The following KCNMA1 variants were observed in gnomAD, a reference collection of about 807,000 sequenced individuals.
KCNMA1 encodes the protein potassium calcium-activated channel subfamily M alpha 1, also known as Calcium-activated potassium channel subunit alpha-1.
A neutral mutation model predicts 140.0 loss-of-function variants in KCNMA1; 29 were observed. The observed-to-expected ratio is 0.21, with a 90% CI of 0.15 to 0.28. The LOEUF (loss-of-function observed/expected upper bound fraction) is 0.28, where lower values mean the gene tolerates loss of function less well. Ranked by LOEUF, KCNMA1 falls within the 10% of genes least tolerant of loss-of-function variation. The pLI is 1.00. For synonymous variants in KCNMA1, 612 were observed against 611.9 expected, an observed-to-expected ratio of 1.00 and a Z score of 0.00; for missense variants, 880 against 1,602.2, an observed-to-expected ratio of 0.55 and a Z score of 7.70.
chr10:77,565,709 T>C (rs1350731962), intron 1 of KCNMA1, among the ~76,000 whole-genome samples: 2 of 152,266 alleles, frequency 1.3e-5, no homozygotes, highest in Non-Finnish European at 2.9e-5. Flanking sequence ...GTTGATCTGG[T>C]GCAGTGCTTA....
chr10:77,137,752 G>A (rs1290838308), intron 5 of KCNMA1, among the ~76,000 whole-genome samples: 1 of 152,054 alleles, frequency 6.6e-6, no homozygotes, highest in African/African-American at 2.4e-5. Flanking sequence ...CTTTCCTTTG[G>A]TAATTGTTCA....
intron 2 of KCNMA1, among the ~76,000 whole-genome samples, chr10:77,284,952 T>A (rs1205970877): frequency 1.3e-5 from 2 of 152,244 alleles, no homozygotes; most frequent in African/African-American, 2.4e-5. Flanking sequence ...CACAATATTA[T>A]AATAGAGAAG....
At chr10:76,952,305 G>A in intron 21 of KCNMA1, 1 of 821,044 alleles carries the variant, frequency 1.2e-6, no homozygotes, top group South Asian at 2.0e-5. Flanking sequence ...CGGATCATGA[G>A]CTCAAGAAAT....
intron 15 of KCNMA1, among the ~76,000 whole-genome samples, chr10:77,030,168 C>A (rs1336986396): frequency 6.6e-6 from 1 of 152,178 alleles, no homozygotes; most frequent in Non-Finnish European, 1.5e-5. Context: ...TATCTGGGAT[C>A]TCCTGGTGAT....
At chr10:77,169,893 G>T (rs1262671762) in intron 5 of KCNMA1, among the ~76,000 whole-genome samples, 1 of 152,156 alleles carries the variant, frequency 6.6e-6, no homozygotes, top group Non-Finnish European at 1.5e-5. Context: ...GTGATATAGT[G>T]TGTCTTATGA....
chr10:77,060,463 A>G (rs1403885724), intron 14 of KCNMA1, among the ~76,000 whole-genome samples: 3 of 152,140 alleles, frequency 2.0e-5, no homozygotes, highest in African/African-American at 7.2e-5. Flanking sequence ...CTGTCCTGCC[A>G]TTGCATTTGG....
intron 1 of KCNMA1, among the ~76,000 whole-genome samples, chr10:77,557,383 A>T (rs945939314): frequency 6.6e-6 from 1 of 151,910 alleles, no homozygotes; most frequent in Non-Finnish European, 1.5e-5. Flanking sequence ...AAATACAAAC[A>T]CTCCACCAGC....
chr10:77,298,617 T>G (rs983301043), intron 2 of KCNMA1, among the ~76,000 whole-genome samples: 1 of 43,428 alleles, frequency 2.3e-5, no homozygotes, highest in Non-Finnish European at 4.9e-5. Context: ...GCACCCTAAC[T>G]GAAAAAAAAA....
At chr10:77,481,373 G>A (rs1191295487) in intron 1 of KCNMA1, among the ~76,000 whole-genome samples, 1 of 152,018 alleles carries the variant, frequency 6.6e-6, no homozygotes, top group Non-Finnish European at 1.5e-5. Context: ...GCCTACACAG[G>A]TTCACCCTCC....
At chr10:77,575,236 T>C (rs980257009) in intron 1 of KCNMA1, among the ~76,000 whole-genome samples, 1 of 152,132 alleles carries the variant, frequency 6.6e-6, no homozygotes, top group Admixed American at 6.5e-5. Flanking sequence ...GCTCCCTGAA[T>C]ACAGGGCAAA....
intron 3 of KCNMA1, among the ~76,000 whole-genome samples, chr10:77,232,008 C>T (rs78608389): frequency 0.035 from 5,311 of 152,322 alleles, 97 homozygotes; most frequent in South Asian, 0.091. Context: ...CTATTCTTGA[C>T]ATTTTACACA....
At chr10:76,918,933 CACACACACACACACAT>C (rs2054159281) in intron 23 of KCNMA1, among the ~76,000 whole-genome samples, 1 of 149,908 alleles carries the variant, frequency 6.7e-6, no homozygotes. Context: ...CACACACACA[CACACACACACACACAT>C]ATATATGTGA....
At chr10:77,031,864 G>A (rs2153544767) in intron 15 of KCNMA1, among the ~76,000 whole-genome samples, 1 of 152,310 alleles carries the variant, frequency 6.6e-6, no homozygotes, top group Admixed American at 6.5e-5. Flanking sequence ...AGTAAAGTCT[G>A]GATAAATAAA....
At chr10:76,966,636 T>C (rs2074053816) in intron 20 of KCNMA1, among the ~76,000 whole-genome samples, 1 of 151,988 alleles carries the variant, frequency 6.6e-6, no homozygotes, top group African/African-American at 2.4e-5. Context: ...CCCCACTAAG[T>C]AGGGAGAATT....
At chr10:77,063,817 G>C (rs2095843903) in intron 14 of KCNMA1, 8 of 985,226 alleles carry the variant, frequency 8.1e-6, no homozygotes, top group African/African-American at 1.7e-5. Flanking sequence ...CCAGTCTGTG[G>C]ATACCCAGGT....
chr10:77,377,823 C>T (rs2095223100), intron 2 of KCNMA1, among the ~76,000 whole-genome samples: 1 of 152,192 alleles, frequency 6.6e-6, no homozygotes, highest in Non-Finnish European at 1.5e-5. Context: ...AGCCCGAGTT[C>T]CCTCCTGTGT....
At chr10:77,180,167 A>C (rs1233870776) in intron 5 of KCNMA1, among the ~76,000 whole-genome samples, 1 of 152,216 alleles carries the variant, frequency 6.6e-6, no homozygotes, top group Non-Finnish European at 1.5e-5. Context: ...TCTTATCCCA[A>C]ACCTCAGCCA....
At chr10:77,543,579 A>G (rs779862988) in intron 1 of KCNMA1, among the ~76,000 whole-genome samples, 21 of 152,342 alleles carry the variant, frequency 1.4e-4, no homozygotes, top group Admixed American at 1.2e-3. Context: ...GTTTAATGCT[A>G]TAGAAGAAAT....
chr10:76,924,213 T>G (rs940567796), intron 23 of KCNMA1, among the ~76,000 whole-genome samples: 4 of 152,168 alleles, frequency 2.6e-5, no homozygotes, highest in African/African-American at 9.7e-5. Flanking sequence ...TGTCCAATTT[T>G]AGGGAAATTG....
Sources: allele counts gnomAD v4.1 joint callset (sites outside exome capture counted in the v4.1 genomes callset), GRCh38; gene constraint gnomAD v4.1.1; transcripts MANE v1.5; gene names NCBI Gene and HGNC (gene_info 2026-07-23, HGNC 2026-07-21).